Variants in RCVRN observed in about 807,000 individuals in gnomAD.
The protein encoded by RCVRN is recoverin.
RCVRN carries 23 observed loss-of-function variants against 20.4 expected under a neutral mutation model. That is an observed-to-expected ratio of 1.13 (90% CI 0.81 to 1.60). RCVRN has a LOEUF of 1.60. Among genes scored for constraint, RCVRN ranks in the 40% most tolerant of loss-of-function variants. RCVRN has a pLI of 0.00. For synonymous variants in RCVRN, 105 were observed against 105.9 expected, an observed-to-expected ratio of 0.99 and a Z score of 0.05; for missense variants, 254 against 254.2, an observed-to-expected ratio of 1.00 and a Z score of 0.00.
At chr17:9,900,741 T>C (rs2067337728) in intron 2 of RCVRN, among the ~76,000 whole-genome samples, 1 of 152,190 alleles carries the variant, frequency 6.6e-6, no homozygotes, top group Non-Finnish European at 1.5e-5. Flanking sequence ...GGACTCGATA[T>C]TAATTCAAAG....
chr17:9,900,322 A>G (rs1049212431), intron 2 of RCVRN, among the ~76,000 whole-genome samples: 3 of 152,124 alleles, frequency 2.0e-5, no homozygotes, highest in African/African-American at 7.2e-5. Context: ...CACTGCCTAC[A>G]GTGCAGGATC....
At chr17:9,903,345 T>C (rs1183052255) in intron 1 of RCVRN, among the ~76,000 whole-genome samples, 1 of 152,228 alleles carries the variant, frequency 6.6e-6, no homozygotes, top group Non-Finnish European at 1.5e-5. Context: ...GAGGACAGTA[T>C]GGACAGGGGA....
chr17:9,902,725 C>T (rs944096624), intron 1 of RCVRN, among the ~76,000 whole-genome samples: 8 of 152,160 alleles, frequency 5.3e-5, no homozygotes, highest in Non-Finnish European at 8.8e-5. Flanking sequence ...AGGTTGGGTG[C>T]GGAAGCTCAC....
chr17:9,898,126 TG>T lies in RCVRN; in HGVS notation c.571del (p.Gln191LysfsTer3), dbSNP rs1462132064. On this transcript the variant is annotated frameshift_variant, in exon 3 of 3. Transcript: ENST00000226193. ...GTTCTTCATCTTTTCCTTCACTTTTTGAGGCTCAAACTGGATCAGTCGCAGA... is the reference window on the plus strand; with the variant it reads ...GTTCTTCATCTTTTCCTTCACTTTTTAGGCTCAAACTGGATCAGTCGCAGA... Reference protein sequence around the residue: ...EILRLIQFEPQKVKEKMKNA With the variant: ...EILRLIQFEPXKVKEKMKNA The T allele has an allele frequency of 1.2e-6, 2 of 1,613,902 alleles. No individual in the cohort carries two copies. Among genetic ancestry groups the T allele is most frequent in the African/African-American group, 2.7e-5 (2 of 74,902 alleles).
rs1406097377 is a variant in RCVRN, at chr17:9,900,993, A to G, written c.489T>C (p.Asp163=). The G allele has an allele frequency of 1.9e-6, 3 of 1,583,926 alleles. No individual in the cohort carries two copies. In the South Asian group the frequency reaches 3.4e-5, roughly 18 times the overall value. ...EKIWKYFGKN[D]DDKLTEKEFI... ...AATGAAGGAAAAGGAATTCACCATCATCATTCTTTCCAAAGTACTTCCAGA... is the reference window on the plus strand; with the variant it reads ...AATGAAGGAAAAGGAATTCACCATCGTCATTCTTTCCAAAGTACTTCCAGA... Residue 163 remains aspartate (D), a synonymous_variant, in exon 2 of 3, where the codon GAT becomes GAC. Transcript: ENST00000226193.
Position 9,899,704 on chromosome 17 carries a change from C to T in RCVRN, c.493+1285G>A, listed in dbSNP as rs78953494. Among the ~76,000 whole-genome samples the T allele has an allele frequency of 0.016, 2,441 of 152,220 alleles. 61 individuals are homozygous for T. The highest frequency in any genetic ancestry group is 0.052 in the African/African-American group (2,156 of 41,514). ...GAAAGGTGGGTAAAGTACCAAGGCG[C>T]GAATTTAAGGAGGCGCTCACTTTCA... On this transcript the variant is annotated intron_variant, in intron 2 of 2. Coordinates refer to ENST00000226193, the MANE Select transcript of RCVRN (RefSeq NM_002903.3). The surrounding 1 kb of genome is among the most constrained non-coding windows in gnomAD (Gnocchi z 4.6).
chr17:9,900,448 G>A (rs1245660743), intron 2 of RCVRN, among the ~76,000 whole-genome samples: 2 of 131,132 alleles, frequency 1.5e-5, no homozygotes, highest in Admixed American at 1.4e-4. Context: ...CTGCACTGCA[G>A]TCTCGGGCAT....
Position 9,897,126 on chromosome 17 carries a change from C to T in RCVRN, c.*969G>A, listed in dbSNP as rs976879255. The T allele has an allele frequency of 6.6e-6, 1 of 152,278 alleles. No homozygotes were observed. The highest frequency in any genetic ancestry group is 1.5e-5 in the Non-Finnish European group (1 of 68,156). The allele number at this position is 152,278 out of a possible 1,614,324, so 9.4% of individuals were successfully genotyped here. On this transcript the variant is annotated 3_prime_UTR_variant, in exon 3 of 3. Transcript: ENST00000226193. ...TGGGGACTTCTCTTACAAACATAAA[C>T]CCCTCCTACTTCCAACTCCACAGTG... is the stretch of plus-strand genomic sequence containing the variant.
At chr17:9,898,612 G>T (rs2067329079) in intron 2 of RCVRN, among the ~76,000 whole-genome samples, 1 of 152,154 alleles carries the variant, frequency 6.6e-6, no homozygotes, top group Non-Finnish European at 1.5e-5. Flanking sequence ...GAGCTTCTGG[G>T]GGTCTGAGCA....
intron 2 of RCVRN, among the ~76,000 whole-genome samples, chr17:9,900,246 C>T (rs570537144): frequency 6.6e-6 from 1 of 152,268 alleles, no homozygotes; most frequent in East Asian, 1.9e-4. Context: ...GCTCCTTTAC[C>T]GCATCCTTGT....
rs6503270 is a variant in RCVRN at position 9,904,393 on chromosome 17, A to T, written c.381+407T>A. 1 allele frequency among the ~76,000 whole-genome samples: 152,347 copies of T among 152,352 alleles called. 76,171 individuals carry two copies. The highest frequency in any genetic ancestry group is 1 in the Middle Eastern group (294 of 294). On this transcript the variant is annotated intron_variant, in intron 1 of 2. Coordinates refer to ENST00000226193, the MANE Select transcript of RCVRN (RefSeq NM_002903.3). This position sits in a 1 kb window ranked among gnomAD's most constrained non-coding sequence, Gnocchi z 5.8. ...GAAGAACTAGGACATTACCGTACAC[A>T]ACTACAGACTTTACGGATACACTTA...
At chr17:9,900,362 G>C (rs1417608466) in intron 2 of RCVRN, among the ~76,000 whole-genome samples, 1 of 151,102 alleles carries the variant, frequency 6.6e-6, no homozygotes, top group Non-Finnish European at 1.5e-5. Flanking sequence ...TCCAGCCACT[G>C]ACTGACAGGG....
intron 2 of RCVRN, 109 bp from the exon 3 acceptor site, chr17:9,898,313 A>G: frequency 1.4e-6 from 1 of 722,222 alleles, no homozygotes; most frequent in South Asian, 1.6e-5. Context: ...GAATGTATCT[A>G]TTATAAGAAT....
In RCVRN at chr17:9,902,606, A is replaced by T. The variant is rs564722752; in HGVS notation, c.382-1506T>A. The stretch of plus-strand genomic sequence containing the variant: ...AATGAAGGAAATTAGAACTGGTATA[A>T]TAGGAAAGAAATGGAAACAACCTAA... On this transcript the variant is annotated intron_variant, in intron 1 of 2. Transcript: ENST00000226193. Among the ~76,000 whole-genome samples, 544 of 152,328 alleles carry T rather than the reference A, an allele frequency of 3.6e-3. 2 individuals carry two copies. The highest frequency in any genetic ancestry group is 8.8e-3 in the Admixed American group (135 of 15,300).
chr17:9,903,731 C>G (rs1047270884), intron 1 of RCVRN, among the ~76,000 whole-genome samples: 3 of 152,214 alleles, frequency 2.0e-5, no homozygotes, highest in Non-Finnish European at 1.5e-5. Context: ...AAGGCAACTT[C>G]TATGTGGGAA....
At position 9,897,991 on chromosome 17, in the gene RCVRN, T is replaced by G. The variant is rs2067325163; in HGVS notation, c.*104A>C. 1 of 744,166 alleles carries G rather than the reference T, an allele frequency of 1.3e-6. No individual in the cohort carries two copies. Among genetic ancestry groups the G allele is most frequent in the South Asian group, 1.5e-5 (1 of 65,440 alleles). The allele number at this position is 744,166 out of a possible 1,614,324, so 46.1% of individuals were successfully genotyped here. On this transcript the variant is annotated 3_prime_UTR_variant, in exon 3 of 3. Coordinates refer to ENST00000226193, the MANE Select transcript of RCVRN (RefSeq NM_002903.3). ...CTTGGCCCTGGGGTGGATGTGTGTGTGTGTGTGTGCGCGCGCGTGTGTGTG... is the reference window on the plus strand; with the variant it reads ...CTTGGCCCTGGGGTGGATGTGTGTGGGTGTGTGTGCGCGCGCGTGTGTGTG...
At position 9,898,223 on chromosome 17, in the gene RCVRN, T is replaced by G. The variant is rs763152055; in HGVS notation, c.494-19A>C. The G allele has an allele frequency of 6.8e-7, 1 of 1,463,012 alleles. No homozygotes were observed. The highest frequency in any genetic ancestry group is 1.7e-5 in the Admixed American group (1 of 59,782). The allele number at this position is 1,463,012 out of a possible 1,614,324, so 90.6% of individuals were successfully genotyped here. A position where few individuals can be genotyped will look rare whatever the true frequency, so the allele number is the denominator to read the frequency against. On this transcript the variant is annotated intron_variant, in intron 2 of 2. Coordinates refer to ENST00000226193, the MANE Select transcript of RCVRN (RefSeq NM_002903.3). ...AGTTTATCTGTGCATTGGGAAAAAATATATACGTACATAAAACAGTCAGGA... is the reference window on the plus strand; with the variant it reads ...AGTTTATCTGTGCATTGGGAAAAAAGATATACGTACATAAAACAGTCAGGA...
At position 9,897,456 on chromosome 17, in the gene RCVRN, A is replaced by C. The variant is rs2067322406; in HGVS notation, c.*639T>G. The stretch of plus-strand genomic sequence containing the variant: ...ATGTGGTCCCTGATCCCCCCTGACA[A>C]GTCAGCCCCTTCCACTGTGTCCTCC... On this transcript the variant is annotated 3_prime_UTR_variant, in exon 3 of 3. Coordinates refer to ENST00000226193, the MANE Select transcript of RCVRN (RefSeq NM_002903.3). The C allele has an allele frequency of 6.6e-6, 1 of 151,728 alleles. No homozygotes were observed. The highest frequency in any genetic ancestry group is 2.1e-4 in the South Asian group (1 of 4,810). The allele number at this position is 151,728 out of a possible 1,614,324, so 9.4% of individuals were successfully genotyped here.
Position 9,896,862 on chromosome 17 carries a change from G to C in RCVRN, c.*1233C>G, listed in dbSNP as rs2067319325. The stretch of plus-strand genomic sequence containing the variant: ...ATTTCTCATCTCCATAGATGGCATT[G>C]CTATTCACCCACTGCCCAAGCTACA... On this transcript the variant is annotated 3_prime_UTR_variant, in exon 3 of 3. Transcript: ENST00000226193. 6.6e-6 allele frequency: 1 copy of C among 152,414 alleles called. No individual in the cohort carries two copies. Among genetic ancestry groups the C allele is most frequent in the Non-Finnish European group, 1.5e-5 (1 of 68,208 alleles). The allele number at this position is 152,414 out of a possible 1,614,324, so 9.4% of individuals were successfully genotyped here.
Sources: gnomAD v4.1 joint callset for allele counts (sites outside exome capture counted in the v4.1 genomes callset) on GRCh38, gnomAD v4.1.1 for gene constraint, Gnocchi (gnomAD v3.1) non-coding constraint, MANE v1.5 for transcripts, NCBI Gene and HGNC (gene_info 2026-07-23, HGNC 2026-07-21) for gene names.